Variants in CAST observed in about 807,000 individuals in gnomAD.
CAST encodes calpastatin, also known as MIR583 host.
CAST carries 76 observed loss-of-function variants against 119.6 expected under a neutral mutation model. That is an observed-to-expected ratio of 0.64 (90% CI 0.53 to 0.77). CAST has a LOEUF of 0.77. Among genes scored for constraint, CAST ranks in the 30% least tolerant of loss-of-function variants. CAST has a pLI of 0.00. For synonymous variants in CAST, 319 were observed against 331.6 expected (o/e 0.96, Z 0.41); for missense variants, 953 against 946.5 (o/e 1.01, Z -0.09).
At chr5:96,657,575 T>C (rs1748181656), upstream of CAST, among the ~76,000 whole-genome samples, 1 of 152,226 alleles carries the variant, frequency 6.6e-6, no homozygotes, top group Non-Finnish European at 1.5e-5. Context: ...TGACTTGGTC[T>C]AGATATATTC....
chr5:96,062,093 A>G, the CAST span, among the ~76,000 whole-genome samples: 1 of 152,124 alleles, frequency 6.6e-6, no homozygotes, highest in African/African-American at 2.4e-5. Flanking sequence ...ACCTTCTCAC[A>G]GGGAAGTCAG....
At chr5:96,689,505 A>G (rs369459202) in intron 2 of CAST, among the ~76,000 whole-genome samples, 4 of 152,234 alleles carry the variant, frequency 2.6e-5, no homozygotes, top group African/African-American at 7.2e-5. Context: ...CTGTAAAGGT[A>G]GTAGAGCACC....
At chr5:96,740,664 A>G (rs917659167) in intron 12 of CAST, 81 bp from the exon 13 acceptor site, 24 of 985,826 alleles carry the variant, frequency 2.4e-5, no homozygotes, top group Non-Finnish European at 3.6e-5. Flanking sequence ...GCACAATTCA[A>G]CCCACAACGG....
the CAST span, chr5:96,393,285 C>T: frequency 2.5e-6 from 4 of 1,614,058 alleles, no homozygotes; most frequent in Admixed American, 3.3e-5. Flanking sequence ...GGGGCTCCCT[C>T]CTCCAACTCA....
the CAST span, among the ~76,000 whole-genome samples, chr5:95,995,265 T>A: frequency 6.6e-6 from 1 of 152,162 alleles, no homozygotes; most frequent in East Asian, 1.9e-4. Flanking sequence ...ATGGGGTCTA[T>A]CTGCTTAAAC....
At chr5:96,668,624 CATTAGCCCT>C (rs1561454303) in intron 1 of CAST, among the ~76,000 whole-genome samples, 2 of 152,146 alleles carry the variant, frequency 1.3e-5, no homozygotes, top group African/African-American at 2.4e-5. Flanking sequence ...GGATAGATAC[CATTAGCCCT>C]ATTTTACAAA....
At chr5:96,145,032 G>A in the CAST span, among the ~76,000 whole-genome samples, 24 of 151,996 alleles carry the variant, frequency 1.6e-4, no homozygotes, top group Non-Finnish European at 1.5e-4. Flanking sequence ...GTAGCCTCTC[G>A]GCATGTACTT....
intron 11 of CAST, among the ~76,000 whole-genome samples, chr5:96,738,410 C>A (rs536566183): frequency 6.6e-6 from 1 of 152,166 alleles, no homozygotes; most frequent in African/African-American, 2.4e-5. Context: ...AAATTAGTAT[C>A]GGGGATGGAA....
At chr5:96,585,323 G>T (rs1012718294) in intron 1 of CAST, among the ~76,000 whole-genome samples, 1 of 151,940 alleles carries the variant, frequency 6.6e-6, no homozygotes, top group Non-Finnish European at 1.5e-5. Flanking sequence ...CCACCTCCAA[G>T]TTTACTACCT....
chr5:96,083,871 C>A, the CAST span, among the ~76,000 whole-genome samples: 1 of 152,180 alleles, frequency 6.6e-6, no homozygotes. Context: ...TGGTTCGGGG[C>A]ACAGACTTGG....
intron 3 of CAST, among the ~76,000 whole-genome samples, chr5:96,721,965 T>TAA (rs1386071737): frequency 2.0e-5 from 3 of 152,174 alleles, no homozygotes; most frequent in Admixed American, 2.0e-4. Flanking sequence ...TGTAACCTTG[T>TAA]CTCCACCTTC....
chr5:96,074,053 AT>A, the CAST span, among the ~76,000 whole-genome samples: 1 of 152,136 alleles, frequency 6.6e-6, no homozygotes, highest in Admixed American at 6.6e-5. Flanking sequence ...AGTTGTTTGA[AT>A]TTTATATCGA....
the CAST span, among the ~76,000 whole-genome samples, chr5:96,231,368 A>G: frequency 7.2e-5 from 11 of 152,298 alleles, 1 homozygote; most frequent in South Asian, 2.1e-3. Context: ...GCATGAAGGA[A>G]GCCAGTCGTA....
intron 1 of CAST, among the ~76,000 whole-genome samples, chr5:96,662,739 G>T (rs1245039725): frequency 6.6e-6 from 1 of 152,194 alleles, no homozygotes; most frequent in African/African-American, 2.4e-5. Flanking sequence ...AGGGGGGGAC[G>T]CGTCAAGAAA....
chr5:96,468,449 T>A, the CAST span, among the ~76,000 whole-genome samples: 198 of 152,102 alleles, frequency 1.3e-3, 4 homozygotes, highest in Non-Finnish European at 2.4e-4. Flanking sequence ...CCATGGTAGG[T>A]CCCTGATGAA....
the CAST span, among the ~76,000 whole-genome samples, chr5:96,488,815 C>T: frequency 6.6e-6 from 1 of 152,140 alleles, no homozygotes; most frequent in African/African-American, 2.4e-5. Flanking sequence ...AGTAAATTTA[C>T]TCAGAAAATT....
the CAST span, among the ~76,000 whole-genome samples, chr5:96,147,173 A>G: frequency 6.6e-6 from 1 of 152,160 alleles, no homozygotes. Flanking sequence ...TGTCATTATT[A>G]CTTTTTAAAT....
At chr5:96,688,992 T>G (rs1193253712) in intron 2 of CAST, among the ~76,000 whole-genome samples, 4 of 145,474 alleles carry the variant, frequency 2.7e-5, no homozygotes, top group Non-Finnish European at 5.9e-5. Flanking sequence ...AGTGTATGTT[T>G]TGTGTGCTTG....
At chr5:95,964,081 A>G in the CAST span, among the ~76,000 whole-genome samples, 1 of 152,154 alleles carries the variant, frequency 6.6e-6, no homozygotes, top group Admixed American at 6.5e-5. Context: ...ACGGATTAAT[A>G]TATTATTGTA....
Sources: gnomAD v4.1 joint callset for allele counts (sites outside exome capture counted in the v4.1 genomes callset) on GRCh38, gnomAD v4.1.1 for gene constraint, MANE v1.5 for transcripts, NCBI Gene and HGNC (gene_info 2026-07-23, HGNC 2026-07-21) for gene names.